Variants in PRKD3 observed in about 807,000 individuals in gnomAD.
PRKD3 encodes the protein serine/threonine-protein kinase D3.
In PRKD3, 47 loss-of-function variants were observed where a neutral mutation model predicts 99.2. The ratio of observed to expected loss-of-function variants is 0.47; its 90% CI spans 0.38 to 0.60. The LOEUF is 0.60. PRKD3 is among the 20% of genes least tolerant of loss of function. PRKD3 has a pLI of 0.00. For missense variants in PRKD3, 1,019 were observed against 1,088.4 expected (o/e 0.94, Z 0.90); for synonymous variants, 392 against 355.4 (o/e 1.10, Z -1.16).
At chr2:37,312,942 C>G (rs1671500903) in intron 2 of PRKD3, among the ~76,000 whole-genome samples, 1 of 151,892 alleles carries the variant, frequency 6.6e-6, no homozygotes, top group Non-Finnish European at 1.5e-5. Flanking sequence ...CAGAATATAA[C>G]TACTATGAAT....
chr2:37,299,918 C>A (rs1670848025), intron 2 of PRKD3, among the ~76,000 whole-genome samples: 1 of 152,078 alleles, frequency 6.6e-6, no homozygotes, highest in African/African-American at 2.4e-5. Context: ...AAGGGGAATG[C>A]TTATACACTA....
chr2:37,260,489 G>A, intron 14 of PRKD3, 105 bp from the exon 15 acceptor site: 1 of 1,042,214 alleles, frequency 9.6e-7, no homozygotes, highest in South Asian at 1.5e-5. Context: ...AGAAAGCCTA[G>A]AGAAGTAAAC....
intron 10 of PRKD3, 116 bp from the exon 11 acceptor site, chr2:37,274,813 A>G (rs1669479151): frequency 2.0e-6 from 2 of 1,015,466 alleles, no homozygotes; most frequent in Non-Finnish European, 2.8e-6. Context: ...GGACACAAGT[A>G]TGCAACATTT....
chr2:37,268,152 G>T, intron 13 of PRKD3: 1 of 354,336 alleles, frequency 2.8e-6, no homozygotes, highest in Non-Finnish European at 5.6e-6. Flanking sequence ...GTATATTTTT[G>T]GTATTTGTTC....
intron 2 of PRKD3, among the ~76,000 whole-genome samples, chr2:37,303,605 T>A (rs1240097314): frequency 6.6e-6 from 1 of 152,120 alleles, no homozygotes; most frequent in East Asian, 1.9e-4. Flanking sequence ...TGCACTCGTT[T>A]GCTCACATGT....
rs1667525658 is a variant in PRKD3, at chr2:37,251,800, C to T, written c.*1377G>A. On this transcript the variant is annotated 3_prime_UTR_variant, in exon 19 of 19. Transcript: ENST00000234179. The stretch of plus-strand genomic sequence containing the variant: ...ACTGCCGACAGACCTGCCATCTGTC[C>T]AGGCCAACATAACTAACAAGTAGTG... The T allele has an allele frequency of 6.6e-6, 1 of 151,802 alleles. No individual in the cohort carries two copies. Among genetic ancestry groups the T allele is most frequent in the Admixed American group, 6.6e-5 (1 of 15,250 alleles). 9.4% of individuals were successfully genotyped at this position (151,802 alleles called of 1,614,324 possible). A position where few individuals can be genotyped will look rare whatever the true frequency, so the allele number is the denominator to read the frequency against.
intron 6 of PRKD3, among the ~76,000 whole-genome samples, chr2:37,285,037 C>T (rs1276447616): frequency 1.3e-5 from 2 of 152,110 alleles, no homozygotes; most frequent in Non-Finnish European, 2.9e-5. Flanking sequence ...AACCCTCAAC[C>T]CTAATGTTTT....
intron 12 of PRKD3, among the ~76,000 whole-genome samples, chr2:37,270,503 T>TC (rs1235114580): frequency 2.6e-5 from 4 of 152,302 alleles, no homozygotes; most frequent in African/African-American, 9.6e-5. Context: ...CCTTTTTTTT[T>TC]CTTCTTTGTA....
rs144817674 is a variant in PRKD3, at chr2:37,300,810, T to C, written c.289-7539A>G. ...CCACTTTTTGAGTCTGAATATGAGA[T>C]AACTTTCTAGGAGATTTGCTGGCTC... On this transcript the variant is annotated intron_variant, in intron 2 of 18. Coordinates refer to ENST00000234179, the MANE Select transcript of PRKD3 (RefSeq NM_005813.6). Among the ~76,000 whole-genome samples the C allele has an allele frequency of 3.2e-4, 49 of 152,336 alleles. 2 individuals carry two copies. The East Asian group carries it at 6.9e-3, about 22-fold the overall frequency.
chr2:37,271,571 G>A (rs1419975204), intron 12 of PRKD3, among the ~76,000 whole-genome samples: 2 of 152,194 alleles, frequency 1.3e-5, no homozygotes, highest in Non-Finnish European at 2.9e-5. Context: ...AGGCTGCACA[G>A]CAGGTGAGCA....
intron 3 of PRKD3, 121 bp downstream of exon 3, chr2:37,293,012 G>A (rs1347940304): frequency 9.1e-7 from 1 of 1,093,386 alleles, no homozygotes; most frequent in South Asian, 2.4e-5. Context: ...CATTATTAGA[G>A]ATGAAAGAAA....
At chr2:37,287,010 C>T (rs978639927) in intron 5 of PRKD3, among the ~76,000 whole-genome samples, 5 of 151,758 alleles carry the variant, frequency 3.3e-5, no homozygotes, top group Non-Finnish European at 5.9e-5. Context: ...GTGGGCGGAT[C>T]ACCTGAGGTC....
intron 9 of PRKD3, among the ~76,000 whole-genome samples, chr2:37,276,893 A>G (rs990462053): frequency 2.0e-5 from 3 of 151,686 alleles, no homozygotes; most frequent in African/African-American, 7.3e-5. Context: ...TCCCAACACC[A>G]TTTACTGAAT....
At chr2:37,283,722 C>CACACCTGTA (rs1319770389) in intron 6 of PRKD3, among the ~76,000 whole-genome samples, 2 of 151,992 alleles carry the variant, frequency 1.3e-5, no homozygotes, top group East Asian at 3.9e-4. Flanking sequence ...TGCAGCGGCT[C>CACACCTGTA]ACACCTGTAA....
chr2:37,285,059 T>C (rs1403369804), intron 6 of PRKD3, among the ~76,000 whole-genome samples: 1 of 152,190 alleles, frequency 6.6e-6, no homozygotes. Flanking sequence ...TTTAGATCAC[T>C]TGATAATTCA....
chr2:37,291,250 T>A (rs1670408567), intron 3 of PRKD3, among the ~76,000 whole-genome samples: 1 of 152,232 alleles, frequency 6.6e-6, no homozygotes, highest in Non-Finnish European at 1.5e-5. Context: ...CATTTTCTCA[T>A]AATGACAAGA....
chr2:37,276,784 ATG>A (rs1669589637), intron 9 of PRKD3, among the ~76,000 whole-genome samples: 2 of 150,352 alleles, frequency 1.3e-5, no homozygotes, highest in East Asian at 3.9e-4. Flanking sequence ...GTGTGTATAT[ATG>A]TATATATACA....
chr2:37,308,315 G>A (rs944903147), intron 2 of PRKD3, among the ~76,000 whole-genome samples: 2 of 151,820 alleles, frequency 1.3e-5, no homozygotes, highest in African/African-American at 4.8e-5. Flanking sequence ...TTCTTTTATT[G>A]ATCTGAAAGT....
At chr2:37,254,901 T>C (rs923310753) in intron 17 of PRKD3, among the ~76,000 whole-genome samples, 1 of 152,194 alleles carries the variant, frequency 6.6e-6, no homozygotes, top group Non-Finnish European at 1.5e-5. Flanking sequence ...GAGTTCTTGG[T>C]ATATATATTT....
Sources: allele counts gnomAD v4.1 joint callset (sites outside exome capture counted in the v4.1 genomes callset), GRCh38; gene constraint gnomAD v4.1.1; transcripts MANE v1.5; gene names NCBI Gene and HGNC (gene_info 2026-07-23, HGNC 2026-07-21).